The following SGCZ variants were observed in gnomAD, a reference collection of about 807,000 sequenced individuals.
The protein encoded by SGCZ is sarcoglycan zeta.
SGCZ carries 40 observed loss-of-function variants against 41.3 expected under a neutral mutation model. That is an observed-to-expected ratio of 0.97 (90% confidence interval 0.75 to 1.26). The LOEUF is 1.26. Among genes scored for constraint, SGCZ ranks in the 50% most tolerant of loss-of-function variants. The probability of loss-of-function intolerance (pLI) is 0.00; values close to 1 mark genes in which losing one functional copy is unlikely to be tolerated. For synonymous variants in SGCZ, 206 were observed against 137.5 expected (o/e 1.50, Z -3.49); for missense variants, 552 against 369.8 (o/e 1.49, Z -4.04).
At chr8:14,812,981 C>A (rs1349279697) in intron 1 of SGCZ, among the ~76,000 whole-genome samples, 1 of 152,086 alleles carries the variant, frequency 6.6e-6, no homozygotes, top group African/African-American at 2.4e-5. Context: ...GTTCCCAAGG[C>A]CCTGGATGTT....
chr8:14,591,845 C>T (rs555913315), intron 1 of SGCZ, among the ~76,000 whole-genome samples: 13 of 152,228 alleles, frequency 8.5e-5, no homozygotes, highest in Non-Finnish European at 2.9e-5. Flanking sequence ...AATTTGCTTT[C>T]CTCTATATTG....
chr8:15,127,583 G>C (rs1191224743), intron 1 of SGCZ, among the ~76,000 whole-genome samples: 2 of 151,922 alleles, frequency 1.3e-5, no homozygotes, highest in African/African-American at 4.8e-5. Context: ...AACAAAACAA[G>C]ATTTTTCTTG....
At chr8:14,440,489 CACA>C (rs1800217873) in intron 2 of SGCZ, among the ~76,000 whole-genome samples, 2 of 151,826 alleles carry the variant, frequency 1.3e-5, no homozygotes, top group African/African-American at 2.4e-5. Flanking sequence ...GTGTGTTTAC[CACA>C]ACAATTTAAC....
At chr8:14,892,910 C>A (rs1002109095) in intron 1 of SGCZ, among the ~76,000 whole-genome samples, 2 of 152,076 alleles carry the variant, frequency 1.3e-5, no homozygotes, top group African/African-American at 4.8e-5. Flanking sequence ...ACTGCTTAGA[C>A]CAAGAAGTTT....
intron 1 of SGCZ, among the ~76,000 whole-genome samples, chr8:15,176,640 G>C (rs1160222400): frequency 6.6e-6 from 1 of 152,130 alleles, no homozygotes; most frequent in Non-Finnish European, 1.5e-5. Flanking sequence ...TATATACTTA[G>C]AAAAATTAAC....
chr8:14,608,856 C>CA (rs199574451), intron 1 of SGCZ, among the ~76,000 whole-genome samples: 445 of 151,304 alleles, frequency 2.9e-3, no homozygotes, highest in African/African-American at 0.01. Context: ...AAAAAAATGA[C>CA]AAAAAAAAGG....
rs1382894611 is a variant in SGCZ at position 14,085,720 on chromosome 8, T to A, written c.*4723A>T. Reference sequence around the variant, plus strand: ...GTTTTATGAATACCAAGGAGTTTGTTATGCATGTATAAAAGAAAAGTGGAC... The same window carrying A: ...GTTTTATGAATACCAAGGAGTTTGTAATGCATGTATAAAAGAAAAGTGGAC... On this transcript the variant is annotated 3_prime_UTR_variant, in exon 8 of 8. Transcript: ENST00000382080. 1.3e-5 allele frequency among the ~76,000 whole-genome samples: 2 copies of A among 151,776 alleles called. No individual in the cohort carries two copies. Among genetic ancestry groups the A allele is most frequent in the Non-Finnish European group, 3.0e-5 (2 of 67,790 alleles).
intron 2 of SGCZ, among the ~76,000 whole-genome samples, chr8:14,336,863 G>A (rs371256932): frequency 9.9e-5 from 15 of 152,106 alleles, no homozygotes; most frequent in South Asian, 4.2e-4. Flanking sequence ...TCTATTTAAT[G>A]GAAATCTGTA....
Position 14,620,203 on chromosome 8 carries a change from T to A in SGCZ, c.40-65277A>T, listed in dbSNP as rs1176082745. Among the ~76,000 whole-genome samples, 3 of 152,246 alleles carry A rather than the reference T, an allele frequency of 2.0e-5. No individual in the cohort carries two copies. The South Asian group carries it at 6.2e-4, about 32-fold the overall frequency. The stretch of plus-strand genomic sequence containing the variant: ...AGAAATGGGGAAAGGATTCCCTATT[T>A]AATAAATGGTGCTGGGAAAACTGGC... On this transcript the variant is annotated intron_variant, in intron 1 of 7. Coordinates refer to ENST00000382080, the MANE Select transcript of SGCZ (RefSeq NM_139167.4).
chr8:14,496,698 T>G (rs1801997773), intron 2 of SGCZ, among the ~76,000 whole-genome samples: 1 of 152,182 alleles, frequency 6.6e-6, no homozygotes, highest in African/African-American at 2.4e-5. Flanking sequence ...CTGGTTTTAC[T>G]TATTTATTTA....
intron 2 of SGCZ, among the ~76,000 whole-genome samples, chr8:14,539,217 G>A (rs1388892355): frequency 6.6e-6 from 1 of 151,926 alleles, no homozygotes; most frequent in Non-Finnish European, 1.5e-5. Flanking sequence ...CCCGCCAAAT[G>A]GCCTAACCTG....
chr8:14,188,501 C>A (rs571884244), intron 4 of SGCZ, among the ~76,000 whole-genome samples: 2 of 152,174 alleles, frequency 1.3e-5, no homozygotes, highest in Non-Finnish European at 1.5e-5. Context: ...ATATAAAAAT[C>A]TTTGAATGCA....
chr8:15,084,839 A>G (rs1187982260), intron 1 of SGCZ, among the ~76,000 whole-genome samples: 1 of 152,164 alleles, frequency 6.6e-6, no homozygotes, highest in African/African-American at 2.4e-5. Flanking sequence ...ACTCTCATAT[A>G]TGTGAGTTTC....
chr8:14,746,027 ATAAAT>A (rs1476133920), intron 1 of SGCZ, among the ~76,000 whole-genome samples: 1 of 152,084 alleles, frequency 6.6e-6, no homozygotes, highest in Non-Finnish European at 1.5e-5. Context: ...CTTACAAACA[ATAAAT>A]TATACAGTAA....
intron 1 of SGCZ, among the ~76,000 whole-genome samples, chr8:14,906,085 C>T (rs533709787): frequency 1.3e-4 from 20 of 151,988 alleles, no homozygotes; most frequent in African/African-American, 4.1e-4. Context: ...TCACTGAGAT[C>T]GACAAAAGGC....
Position 14,086,330 on chromosome 8 carries a change from G to A in SGCZ, c.*4113C>T, listed in dbSNP as rs1393091349. 5.3e-5 allele frequency among the ~76,000 whole-genome samples: 8 copies of A among 151,562 alleles called. No individual in the cohort carries two copies. The highest frequency in any genetic ancestry group is 4.6e-4 in the Admixed American group (7 of 15,166). ...AATATAACACTCATATGCATTAGAC[G>A]CTCTCCAGGCTATTGCTGCCTCATA... On this transcript the variant is annotated 3_prime_UTR_variant, in exon 8 of 8. Coordinates refer to ENST00000382080, the MANE Select transcript of SGCZ (RefSeq NM_139167.4).
At chr8:14,164,962 C>G (rs1804164624) in intron 4 of SGCZ, 3 of 364,850 alleles carry the variant, frequency 8.2e-6, no homozygotes, top group South Asian at 6.4e-5. Context: ...AGTTAAGAGC[C>G]CTTCACATAT....
At chr8:14,449,927 C>T (rs150335043) in intron 2 of SGCZ, among the ~76,000 whole-genome samples, 1 of 152,196 alleles carries the variant, frequency 6.6e-6, no homozygotes, top group African/African-American at 2.4e-5. Flanking sequence ...ATGTACAAAA[C>T]TTAACAATAT....
At chr8:14,130,864 A>T (rs561686541) in intron 5 of SGCZ, among the ~76,000 whole-genome samples, 1 of 152,304 alleles carries the variant, frequency 6.6e-6, no homozygotes, top group Admixed American at 6.5e-5. Flanking sequence ...GCAAGCAAGC[A>T]ACATGGTGCC....
Sources: allele counts gnomAD v4.1 joint callset (sites outside exome capture counted in the v4.1 genomes callset), GRCh38; gene constraint gnomAD v4.1.1; transcripts MANE v1.5; gene names NCBI Gene and HGNC (gene_info 2026-07-23, HGNC 2026-07-21).